SLC6A20: variants seen among roughly 807,000 people sequenced by gnomAD.
SLC6A20 encodes the protein solute carrier family 6 member 20, also known as sodium- and chloride-dependent transporter XTRP3.
SLC6A20 carries 73 observed loss-of-function variants against 64.3 expected under a neutral mutation model. The ratio of observed to expected loss-of-function variants is 1.14; its 90% CI spans 0.94 to 1.38. The LOEUF (loss-of-function observed/expected upper bound fraction) is 1.38, where lower values mean the gene tolerates loss of function less well. Among genes scored for constraint, SLC6A20 ranks in the 40% most tolerant of loss-of-function variants. The pLI is 0.00. For missense variants in SLC6A20, 725 were observed against 772.8 expected (o/e 0.94, Z 0.73); for synonymous variants, 347 against 329.6 (o/e 1.05, Z -0.57).
intron 1 of SLC6A20, among the ~76,000 whole-genome samples, chr3:45,787,014 G>T (rs12491927): frequency 0.12 from 17,765 of 152,226 alleles, 1,202 homozygotes; most frequent in Non-Finnish European, 0.16. Flanking sequence ...CTCCAGGCAG[G>T]TCTTTGTGAT....
chr3:45,780,708 G>A (rs1700067385), intron 2 of SLC6A20, among the ~76,000 whole-genome samples: 1 of 109,536 alleles, frequency 9.1e-6, no homozygotes. Flanking sequence ...GGAGGCAGCA[G>A]GGCTCTGGGG....
In SLC6A20 at chr3:45,765,888, C is replaced by G; in HGVS notation, c.1099-147G>C. 2 of 802,354 alleles carry G rather than the reference C, an allele frequency of 2.5e-6. No individual in the cohort carries two copies. Among genetic ancestry groups the G allele is most frequent in the Non-Finnish European group, 3.9e-6 (2 of 509,482 alleles). The allele number at this position is 802,354 out of a possible 1,614,324, so 49.7% of individuals were successfully genotyped here. The stretch of plus-strand genomic sequence containing the variant: ...GGAGCTTCCATCTGCAGATCAACCC[C>G]TTACACTCAGCTGGGCTGAAACGAA... On this transcript the variant is annotated intron_variant, in intron 7 of 10. Transcript: ENST00000358525. This position sits in a 1 kb window ranked among gnomAD's most constrained non-coding sequence, Gnocchi z 4.2.
chr3:45,781,973 T>A (rs1700092739), intron 2 of SLC6A20, 110 bp downstream of exon 2: 1 of 1,389,630 alleles, frequency 7.2e-7, no homozygotes, highest in Admixed American at 3.0e-5. Context: ...AGCTCTCTCT[T>A]GGGCCTTGTG....
chr3:45,761,237 C>T (rs1699676625), intron 9 of SLC6A20, among the ~76,000 whole-genome samples: 1 of 136,868 alleles, frequency 7.3e-6, no homozygotes, highest in African/African-American at 3.0e-5. Context: ...CCCCCCCTTT[C>T]CTGGATGGAG....
intron 1 of SLC6A20, among the ~76,000 whole-genome samples, chr3:45,784,536 T>C (rs1465718016): frequency 6.6e-6 from 1 of 152,116 alleles, no homozygotes; most frequent in African/African-American, 2.4e-5. Flanking sequence ...AAGACACTGT[T>C]AAGAGAATAA....
chr3:45,770,611 C>T (rs535739942), intron 6 of SLC6A20, among the ~76,000 whole-genome samples: 2 of 152,314 alleles, frequency 1.3e-5, no homozygotes, highest in South Asian at 2.1e-4. Flanking sequence ...CATAGTCCAG[C>T]AGAAGTTTCT....
intron 7 of SLC6A20, among the ~76,000 whole-genome samples, chr3:45,769,112 A>T (rs6768156): frequency 0.67 from 101,464 of 151,984 alleles, 34,163 homozygotes; most frequent in Middle Eastern, 0.81. Flanking sequence ...CAACAAAAAC[A>T]AATGATAGAA....
rs369614827 is a variant in SLC6A20, at chr3:45,765,605, G to A, written c.1235C>T (p.Ala412Val). The change falls in exon 8 of 11, where the codon GCG becomes GTG. Residue 412 changes from alanine (A) to valine (V), a missense_variant. Coordinates refer to ENST00000358525, the MANE Select transcript of SLC6A20 (RefSeq NM_020208.4). The surrounding 1 kb of genome is among the most constrained non-coding windows in gnomAD (Gnocchi z 4.2). ...LGIGSMLGNT[A>V]AILTPLTDSK... ...GTCTGTCAGAGGGGTGAGGATGGCC[G>A]CTGTGTTCCCCAGCATGCTCCCAAT... 13 of 1,614,004 alleles carry A rather than the reference G, an allele frequency of 8.1e-6. No individual in the cohort carries two copies. The highest frequency in any genetic ancestry group is 1.7e-5 in the Admixed American group (1 of 60,002).
intron 8 of SLC6A20, among the ~76,000 whole-genome samples, chr3:45,764,472 G>C (rs1699738339): frequency 6.6e-6 from 1 of 152,192 alleles, no homozygotes; most frequent in Non-Finnish European, 1.5e-5. Context: ...GGAGGCCAAG[G>C]CAGGCAGATC....
intron 5 of SLC6A20, 78 bp downstream of exon 5, chr3:45,772,427 T>C: frequency 7.4e-7 from 1 of 1,353,246 alleles, no homozygotes; most frequent in Middle Eastern, 1.8e-4. Flanking sequence ...CTCTCCACCT[T>C]TCCCTCTTCC....
At chr3:45,762,626 C>G (rs913205196) in intron 9 of SLC6A20, among the ~76,000 whole-genome samples, 1 of 152,268 alleles carries the variant, frequency 6.6e-6, no homozygotes, top group African/African-American at 2.4e-5. Context: ...GCACAATTCC[C>G]TGCCCCAGTA....
In SLC6A20 at chr3:45,796,430, T is replaced by G; in HGVS notation, c.-11A>C. Reference sequence around the variant, plus strand: ...CCGCGCTTTCTCCATGGCCCCGGCCTCGGCGCGCTCGGCTCCGGCTCGGGG... The same window carrying G: ...CCGCGCTTTCTCCATGGCCCCGGCCGCGGCGCGCTCGGCTCCGGCTCGGGG... On this transcript the variant is annotated 5_prime_UTR_variant, in exon 1 of 11. Transcript: ENST00000358525. 5 of 1,604,770 alleles carry G rather than the reference T, an allele frequency of 3.1e-6. No individual in the cohort carries two copies. The highest frequency in any genetic ancestry group is 4.3e-6 in the Non-Finnish European group (5 of 1,176,020).
Position 45,760,009 on chromosome 3 carries a change from G to A in SLC6A20, c.1477C>T (p.Leu493Phe), listed in dbSNP as rs771872725. Residue 493 changes from leucine (L) to phenylalanine (F), a missense_variant, in exon 10 of 11, where the codon CTT (leucine) becomes TTT (phenylalanine). Leu to Phe is a conservative substitution (Grantham distance 22, BLOSUM62 0). Coordinates refer to ENST00000358525, the MANE Select transcript of SLC6A20 (RefSeq NM_020208.4). ...VYGLRRFESD[L>F]KAMTGRAVSW... is the part of the protein sequence containing the mutation. ...ACAGCTCGGCCGGTCATGGCCTTAA[G>A]GTCACTTTCAAATCTATTTGGAAAA... is the stretch of plus-strand genomic sequence containing the variant. 3.1e-6 allele frequency: 5 copies of A among 1,610,912 alleles called. No homozygotes were observed. Among genetic ancestry groups the A allele is most frequent in the Middle Eastern group, 1.7e-4 (1 of 6,036 alleles).
chr3:45,783,350 A>G (rs1329178632), intron 1 of SLC6A20, among the ~76,000 whole-genome samples: 1 of 152,262 alleles, frequency 6.6e-6, no homozygotes, highest in African/African-American at 2.4e-5. Context: ...AAGGTAAACA[A>G]CAAAATAACT....
At chr3:45,761,229 C>G (rs1013920129) in intron 9 of SLC6A20, among the ~76,000 whole-genome samples, 11 of 151,880 alleles carry the variant, frequency 7.2e-5, no homozygotes, top group African/African-American at 2.4e-4. Context: ...CATAACCCCC[C>G]CCCCTTTCCT....
chr3:45,760,757 C>T (rs1370697129), intron 9 of SLC6A20, among the ~76,000 whole-genome samples: 6 of 152,234 alleles, frequency 3.9e-5, no homozygotes, highest in South Asian at 2.1e-4. Flanking sequence ...TTTGAATACA[C>T]GTACACAGTA....
At position 45,759,908 on chromosome 3, in the gene SLC6A20, G is replaced by A. The variant is rs143985135; in HGVS notation, c.1578C>T (p.Ser526=). 6.6e-5 allele frequency: 106 copies of A among 1,614,136 alleles called. No individual in the cohort carries two copies. The African/African-American group carries it at 8.4e-4, about 13-fold the overall frequency. Residue 526 remains serine (S), a synonymous_variant, in exon 10 of 11, where the codon AGC becomes AGT. Coordinates refer to ENST00000358525, the MANE Select transcript of SLC6A20 (RefSeq NM_020208.4). ...LIVSLFVFYL[S]DYILTGTLKY... is the part of the protein sequence containing the mutation. ...TCAGGGTCCCCGTGAGGATGTAGTC[G>A]CTCAGGTAGAAGACAAAGAGGCTGA...
At chr3:45,763,917 G>A (rs527507184) in intron 8 of SLC6A20, among the ~76,000 whole-genome samples, 22 of 152,304 alleles carry the variant, frequency 1.4e-4, no homozygotes, top group Admixed American at 7.8e-4. Context: ...GGGGCCATGC[G>A]CTGGCTGAAG....
In SLC6A20 at chr3:45,758,515, G is replaced by T; in HGVS notation, c.*463C>A. The stretch of plus-strand genomic sequence containing the variant: ...ATATTCACTACAACTCAAAAAAGAA[G>T]AGAATTAATTTTGCACCACTGACAA... On this transcript the variant is annotated 3_prime_UTR_variant, in exon 11 of 11. Coordinates refer to ENST00000358525, the MANE Select transcript of SLC6A20 (RefSeq NM_020208.4). 8.5e-7 allele frequency: 1 copy of T among 1,181,822 alleles called. No homozygotes were observed. The highest frequency in any genetic ancestry group is 3.6e-5 in the Admixed American group (1 of 27,570). The allele number at this position is 1,181,822 out of a possible 1,614,324, so 73.2% of individuals were successfully genotyped here.
Sources: gnomAD v4.1 joint callset for allele counts (sites outside exome capture counted in the v4.1 genomes callset) on GRCh38, gnomAD v4.1.1 for gene constraint, Gnocchi (gnomAD v3.1) non-coding constraint, MANE v1.5 for transcripts, NCBI Gene and HGNC (gene_info 2026-07-23, HGNC 2026-07-21) for gene names.